Variants in DZIP1L observed in about 807,000 individuals in gnomAD.
DZIP1L encodes the protein DAZ interacting zinc finger protein 1 like.
Under a neutral mutation model 88.7 loss-of-function variants are expected in DZIP1L, and 90 were observed. That is an observed-to-expected ratio of 1.02 (90% CI 0.86 to 1.21). The LOEUF is 1.21. Ranked by LOEUF, DZIP1L falls within the 50% of genes most tolerant of loss-of-function variation. The pLI is 0.00. For missense variants in DZIP1L, 932 were observed against 955.8 expected (o/e 0.98, Z 0.33); for synonymous variants, 363 against 372.1 (o/e 0.98, Z 0.28).
At chr3:138,095,638 C>T (rs978358546) in intron 3 of DZIP1L, among the ~76,000 whole-genome samples, 1 of 151,932 alleles carries the variant, frequency 6.6e-6, no homozygotes, top group Non-Finnish European at 1.5e-5. Context: ...AAAAATTAGC[C>T]GGGTGTGGTG....
At position 138,099,603 on chromosome 3, in the gene DZIP1L, G is replaced by A. The variant is rs1194752878; in HGVS notation, c.502-1756C>T. Among the ~76,000 whole-genome samples, 5 of 152,256 alleles carry A rather than the reference G, an allele frequency of 3.3e-5. No homozygotes were observed. In the East Asian group the frequency reaches 9.6e-4, roughly 29 times the overall value. ...CTCCAGTGTGGCAGTGTTGAGAGGT[G>A]GGGCCCAGTGGGAGGTATCTGGGTC... On this transcript the variant is annotated intron_variant, in intron 2 of 15. Transcript: ENST00000327532.
intron 4 of DZIP1L, 94 bp downstream of exon 4, chr3:138,094,768 G>A: frequency 6.4e-7 from 1 of 1,554,676 alleles, no homozygotes; most frequent in East Asian, 2.3e-5. Context: ...TGGGAAACTA[G>A]CTGGAATTTT....
rs1029002744 is a variant in DZIP1L at position 138,104,402 on chromosome 3, G to A, written c.-81-350C>T. 5.3e-5 allele frequency among the ~76,000 whole-genome samples: 8 copies of A among 152,220 alleles called. No homozygotes were observed. In the East Asian group the frequency reaches 1.5e-3, roughly 29 times the overall value. On this transcript the variant is annotated intron_variant, in intron 1 of 15. Coordinates refer to ENST00000327532, the MANE Select transcript of DZIP1L (RefSeq NM_173543.3). ...AGCAGGTCCTCAGTGAGCCCCCTCT[G>A]CAAAGCCCACCTCCACTGCAGGAAT...
Position 138,071,852 on chromosome 3 carries a change from T to C in DZIP1L, c.1423-17A>G, listed in dbSNP as rs1196538773. 1.2e-6 allele frequency: 2 copies of C among 1,603,358 alleles called. No homozygotes were observed. Among genetic ancestry groups the C allele is most frequent in the Admixed American group, 3.4e-5 (2 of 59,160 alleles). ...CTTTGCATCCTAGAGGAGACAGGAGTTCACCTTTACAGAGAGAGGCTACCC... is the reference window on the plus strand; with the variant it reads ...CTTTGCATCCTAGAGGAGACAGGAGCTCACCTTTACAGAGAGAGGCTACCC... On this transcript the variant is annotated splice_polypyrimidine_tract_variant and intron_variant, in intron 11 of 15. Transcript: ENST00000327532.
Position 138,084,300 on chromosome 3 carries a change from C to T in DZIP1L, c.1063-47G>A, listed in dbSNP as rs1943821478. 3.1e-6 allele frequency: 5 copies of T among 1,594,388 alleles called. No homozygotes were observed. The South Asian group carries it at 3.4e-5, about 11-fold the overall frequency. On this transcript the variant is annotated intron_variant, in intron 7 of 15. Coordinates refer to ENST00000327532, the MANE Select transcript of DZIP1L (RefSeq NM_173543.3). ...GTCAGTCAAATGTCTGCAGGGACAT[C>T]TTAGTGCCTGGTGTCTGCAGGCTCA...
At chr3:138,110,074 A>G (rs1252227856) in intron 1 of DZIP1L, among the ~76,000 whole-genome samples, 1 of 152,202 alleles carries the variant, frequency 6.6e-6, no homozygotes, top group African/African-American at 2.4e-5. Context: ...CCCAGAACTT[A>G]AAGTAAAATT....
At chr3:138,068,439 G>T in intron 12 of DZIP1L, 72 bp from the exon 13 acceptor site, 1 of 1,237,296 alleles carries the variant, frequency 8.1e-7, no homozygotes. Context: ...GAGGGAGAAA[G>T]TGGCTCCAAC....
chr3:138,103,641 G>C lies in DZIP1L; in HGVS notation c.331C>G (p.Leu111Val). ...QDCLSASVAQ[L>V]EARLQTSLGQ... ...AGGCTGGTCTGCAGCCGTGCCTCCA[G>C]CTGGGCAACACTGGCACTCAGGCAA... The change falls in exon 2 of 16, where the codon CTG (leucine) becomes GTG (valine). Residue 111 changes from leucine (L) to valine (V), a missense_variant. Transcript: ENST00000327532. 6.2e-7 allele frequency: 1 copy of C among 1,607,652 alleles called. No individual in the cohort carries two copies. The highest frequency in any genetic ancestry group is 1.7e-4 in the Middle Eastern group (1 of 6,010).
intron 12 of DZIP1L, among the ~76,000 whole-genome samples, chr3:138,068,769 C>T (rs1943036897): frequency 6.6e-6 from 1 of 152,284 alleles, no homozygotes. Flanking sequence ...CACCAGAGGT[C>T]GCCGCAGGAC....
At chr3:138,069,071 A>T (rs935952470) in intron 12 of DZIP1L, 2 of 1,107,742 alleles carry the variant, frequency 1.8e-6, no homozygotes, top group Non-Finnish European at 2.5e-6. Flanking sequence ...GTGGGGTTGA[A>T]CAGCCATGGG....
At chr3:138,080,713 G>A (rs1466669698) in intron 9 of DZIP1L, 93 bp from the exon 10 acceptor site, 44 of 1,361,692 alleles carry the variant, frequency 3.2e-5, no homozygotes, top group Non-Finnish European at 3.4e-5. Context: ...GTATGAGCCA[G>A]AAAGAGAAAA....
intron 1 of DZIP1L, among the ~76,000 whole-genome samples, chr3:138,104,562 C>A (rs1479439943): frequency 6.6e-6 from 1 of 152,246 alleles, no homozygotes; most frequent in Non-Finnish European, 1.5e-5. Flanking sequence ...ACCCTGTCTT[C>A]TCTTTCTCAT....
Position 138,090,541 on chromosome 3 carries a change from G to A in DZIP1L, c.870+1842C>T, listed in dbSNP as rs759788359. 7.2e-5 allele frequency among the ~76,000 whole-genome samples: 11 copies of A among 152,152 alleles called. No individual in the cohort carries two copies. In the East Asian group the frequency reaches 7.7e-4, roughly 11 times the overall value. Reference sequence around the variant, plus strand: ...GCTGGGAAGCATTTTGGATGGAAGCGCTTGCGTCATTTTAGGGAGCCCCCA... The same window carrying A: ...GCTGGGAAGCATTTTGGATGGAAGCACTTGCGTCATTTTAGGGAGCCCCCA... On this transcript the variant is annotated intron_variant, in intron 5 of 15. Transcript: ENST00000327532.
At chr3:138,064,434 T>C in intron 15 of DZIP1L, 194 bp downstream of exon 15, 2 of 1,544,782 alleles carry the variant, frequency 1.3e-6, no homozygotes, top group Non-Finnish European at 1.7e-6. Flanking sequence ...TTTTTAATGT[T>C]AACTTGGATA....
At chr3:138,068,843 A>G in intron 12 of DZIP1L, 1 of 1,137,236 alleles carries the variant, frequency 8.8e-7, no homozygotes, top group East Asian at 3.8e-5. Flanking sequence ...AGGCAGTACC[A>G]AGGCAGGCAA....
intron 11 of DZIP1L, among the ~76,000 whole-genome samples, chr3:138,073,559 G>A (rs766730732): frequency 2.0e-5 from 3 of 152,166 alleles, no homozygotes; most frequent in Non-Finnish European, 2.9e-5. Flanking sequence ...AGAAGCATCT[G>A]AACAGCAGCT....
At chr3:138,091,031 C>T (rs577229695) in intron 5 of DZIP1L, among the ~76,000 whole-genome samples, 83 of 151,822 alleles carry the variant, frequency 5.5e-4, no homozygotes, top group African/African-American at 1.7e-3. Context: ...TTATAGGCAC[C>T]TGCCACCACA....
intron 1 of DZIP1L, 83 bp from the exon 2 acceptor site, chr3:138,104,135 G>T (rs148287587): frequency 7.7e-7 from 1 of 1,306,694 alleles, no homozygotes; most frequent in Non-Finnish European, 1.0e-6. Flanking sequence ...GGGCCTAAGC[G>T]GGGCAAAGTG....
intron 2 of DZIP1L, among the ~76,000 whole-genome samples, chr3:138,098,547 G>A (rs1245679471): frequency 1.3e-5 from 2 of 152,156 alleles, no homozygotes; most frequent in African/African-American, 4.8e-5. Context: ...CAGCTTTGGA[G>A]GCTGCCATTG....
Sources: gnomAD v4.1 joint callset for allele counts (sites outside exome capture counted in the v4.1 genomes callset) on GRCh38, gnomAD v4.1.1 for gene constraint, MANE v1.5 for transcripts, NCBI Gene and HGNC (gene_info 2026-07-23, HGNC 2026-07-21) for gene names.